TMEM266: variants seen among roughly 807,000 people sequenced by gnomAD.
TMEM266 encodes the protein Hv1 related protein 1.
TMEM266 carries 33 observed loss-of-function variants against 50.5 expected under a neutral mutation model. The ratio of observed to expected loss-of-function variants is 0.65; its 90% CI spans 0.50 to 0.87. The LOEUF (loss-of-function observed/expected upper bound fraction) is 0.87, where lower values mean the gene tolerates loss of function less well. TMEM266 is among the 40% of genes least tolerant of loss of function. The probability of loss-of-function intolerance (pLI) is 0.00; values close to 1 mark genes in which losing one functional copy is unlikely to be tolerated. For missense variants in TMEM266, 655 were observed against 695.1 expected, an observed-to-expected ratio of 0.94 and a Z score of 0.65; for synonymous variants, 310 against 292.3, an observed-to-expected ratio of 1.06 and a Z score of -0.62.
intron 8 of TMEM266, among the ~76,000 whole-genome samples, chr15:76,183,628 C>T (rs1192403056): frequency 1.3e-5 from 2 of 152,192 alleles, no homozygotes; most frequent in South Asian, 4.1e-4. Flanking sequence ...AGAAAACAGT[C>T]GCCTGCACAG....
At chr15:76,141,193 C>T (rs1391439176) in intron 3 of TMEM266, among the ~76,000 whole-genome samples, 2 of 151,946 alleles carry the variant, frequency 1.3e-5, no homozygotes, top group Non-Finnish European at 2.9e-5. Flanking sequence ...CATGTGATTC[C>T]ACTTCCAGCT....
chr15:76,179,354 C>T (rs1224630078), intron 8 of TMEM266, among the ~76,000 whole-genome samples: 3 of 152,096 alleles, frequency 2.0e-5, no homozygotes, highest in East Asian at 1.9e-4. Flanking sequence ...GTGTGGACCC[C>T]GAAGTCCACC....
chr15:76,064,802 C>A (rs2036380870), intron 1 of TMEM266, among the ~76,000 whole-genome samples: 1 of 152,224 alleles, frequency 6.6e-6, no homozygotes, highest in Admixed American at 6.5e-5. Flanking sequence ...GAAGTCCAGG[C>A]AGCTGTTCTC....
chr15:76,108,572 C>T (rs923586106), intron 1 of TMEM266, among the ~76,000 whole-genome samples: 9 of 152,126 alleles, frequency 5.9e-5, no homozygotes, highest in Admixed American at 3.9e-4. Flanking sequence ...GACCCGGGAC[C>T]GCACTTTGAA....
chr15:76,137,645 A>C, intron 2 of TMEM266, 62 bp from the exon 3 acceptor site: 2 of 1,487,022 alleles, frequency 1.3e-6, no homozygotes, highest in Non-Finnish European at 1.9e-6. Context: ...TCCTTGAGGA[A>C]TGGAAGAATT....
At chr15:76,177,063 T>C (rs1323562796) in intron 8 of TMEM266, among the ~76,000 whole-genome samples, 1 of 152,030 alleles carries the variant, frequency 6.6e-6, no homozygotes, top group Non-Finnish European at 1.5e-5. Context: ...TCCTAGCCTC[T>C]CTACAGAGCA....
Position 76,168,481 on chromosome 15 carries a change from T to A in TMEM266, c.457-1335T>A, listed in dbSNP as rs2038132553. 6.6e-6 allele frequency among the ~76,000 whole-genome samples: 1 copy of A among 152,144 alleles called. No individual in the cohort carries two copies. Among genetic ancestry groups the A allele is most frequent in the Admixed American group, 6.5e-5 (1 of 15,272 alleles). On this transcript the variant is annotated intron_variant, in intron 5 of 10. Transcript: ENST00000388942. This position sits in a 1 kb window ranked among gnomAD's most constrained non-coding sequence, Gnocchi z 4.4. ...TGCGGGAGAGGGGCACCATCTGGTG[T>A]GAATCACCGTGAATTAAAGTCATCT...
At chr15:76,068,943 G>A (rs532642350) in intron 1 of TMEM266, among the ~76,000 whole-genome samples, 15 of 152,202 alleles carry the variant, frequency 9.9e-5, no homozygotes, top group African/African-American at 3.6e-4. Context: ...CCTGTGCTTC[G>A]TGACTCCTAG....
At chr15:76,081,037 T>G (rs1222153521) in intron 1 of TMEM266, among the ~76,000 whole-genome samples, 1 of 152,004 alleles carries the variant, frequency 6.6e-6, no homozygotes, top group Non-Finnish European at 1.5e-5. Context: ...GGCATGAGCC[T>G]CCGTACCCAG....
At chr15:76,079,179 C>A (rs981895150) in intron 1 of TMEM266, among the ~76,000 whole-genome samples, 4 of 152,076 alleles carry the variant, frequency 2.6e-5, no homozygotes, top group African/African-American at 9.7e-5. Context: ...ATGGTAAAAA[C>A]CCATCTCTAC....
At chr15:76,198,934 G>GAC (rs1555453575) in intron 9 of TMEM266, among the ~76,000 whole-genome samples, 11 of 152,304 alleles carry the variant, frequency 7.2e-5, no homozygotes, top group South Asian at 2.1e-4. Flanking sequence ...AGCAGAGGGA[G>GAC]TAGGGACAGG....
intron 4 of TMEM266, among the ~76,000 whole-genome samples, chr15:76,157,399 A>G (rs2037943685): frequency 6.6e-6 from 1 of 152,310 alleles, no homozygotes; most frequent in Non-Finnish European, 1.5e-5. Context: ...CTGGGACTTC[A>G]AGGCACCAGG....
chr15:76,130,091 G>A (rs1003795070), intron 1 of TMEM266, among the ~76,000 whole-genome samples: 1 of 151,416 alleles, frequency 6.6e-6, no homozygotes, highest in African/African-American at 2.4e-5. Context: ...GGGTGTGGTG[G>A]CTTGTGCTTT....
At chr15:76,188,943 G>A (rs1159072629) in intron 8 of TMEM266, among the ~76,000 whole-genome samples, 1 of 152,224 alleles carries the variant, frequency 6.6e-6, no homozygotes, top group Non-Finnish European at 1.5e-5. Context: ...TTGGGAGGCT[G>A]AGGAAGGTGG....
chr15:76,191,899 C>CAGAG (rs756882978), intron 8 of TMEM266, 69 bp from the exon 9 acceptor site: 414 of 1,420,774 alleles, frequency 2.9e-4, no homozygotes, highest in Non-Finnish European at 3.6e-4. Flanking sequence ...GCAAAGCGCC[C>CAGAG]AGAGGTCAGG....
intron 1 of TMEM266, among the ~76,000 whole-genome samples, chr15:76,060,990 A>G (rs1406265670): frequency 6.6e-6 from 1 of 152,212 alleles, no homozygotes; most frequent in Non-Finnish European, 1.5e-5. Context: ...TACACCTATC[A>G]CATCATATCC....
chr15:76,073,422 G>A (rs1271058765), intron 1 of TMEM266, among the ~76,000 whole-genome samples: 3 of 151,264 alleles, frequency 2.0e-5, no homozygotes, highest in Admixed American at 6.6e-5. Context: ...TAGTAGAGAC[G>A]GGGTTTCACC....
intron 1 of TMEM266, among the ~76,000 whole-genome samples, chr15:76,078,335 A>G (rs1596088292): frequency 1.3e-5 from 2 of 152,000 alleles, no homozygotes; most frequent in South Asian, 2.1e-4. Context: ...AGCATTTTCA[A>G]TACTGGAATA....
rs984042368 is a variant in TMEM266 at position 76,106,674 on chromosome 15, G to A, written c.-96-27494G>A. 1.2e-4 allele frequency among the ~76,000 whole-genome samples: 18 copies of A among 152,048 alleles called. 1 individual carries two copies. Among genetic ancestry groups the A allele is most frequent in the Admixed American group, 4.6e-4 (7 of 15,256 alleles). Reference sequence around the variant, plus strand: ...TTCCCCAGGCTGGTCTCAAACTCCCGGCCTCAAGCAATCCTCTTGCCTTGG... The same window carrying A: ...TTCCCCAGGCTGGTCTCAAACTCCCAGCCTCAAGCAATCCTCTTGCCTTGG... On this transcript the variant is annotated intron_variant, in intron 1 of 10. Transcript: ENST00000388942.
Sources: gnomAD v4.1 joint callset for allele counts (sites outside exome capture counted in the v4.1 genomes callset) on GRCh38, gnomAD v4.1.1 for gene constraint, Gnocchi (gnomAD v3.1) non-coding constraint, MANE v1.5 for transcripts, NCBI Gene and HGNC (gene_info 2026-07-23, HGNC 2026-07-21) for gene names.